The following C6 variants were observed in gnomAD, a reference collection of about 807,000 sequenced individuals.
C6 encodes complement component C6.
A neutral mutation model predicts 112.9 loss-of-function variants in C6; 101 were observed. The observed-to-expected ratio is 0.89, with a 90% CI of 0.76 to 1.06. C6 has a LOEUF of 1.06. C6 is among the 50% of genes least tolerant of loss of function. C6 has a pLI of 0.00. For synonymous variants in C6, 431 were observed against 384.1 expected (o/e 1.12, Z -1.43); for missense variants, 1,202 against 1,104.6 (o/e 1.09, Z -1.25).
At chr5:41,243,319 T>C (rs531867168) in intron 1 of C6, among the ~76,000 whole-genome samples, 48 of 152,248 alleles carry the variant, frequency 3.2e-4, no homozygotes, top group Non-Finnish European at 5.6e-4. Flanking sequence ...ATTGTGTGAT[T>C]TTTATGTTGA....
intron 9 of C6, among the ~76,000 whole-genome samples, chr5:41,169,019 A>G (rs545531605): frequency 9.7e-4 from 148 of 152,268 alleles, no homozygotes; most frequent in African/African-American, 3.3e-3. Context: ...AAGGTGAGAA[A>G]GTCTTGAGAA....
chr5:41,150,510 T>G (rs1022407978), intron 15 of C6, among the ~76,000 whole-genome samples: 1 of 152,110 alleles, frequency 6.6e-6, no homozygotes. Context: ...AAAAAATTGA[T>G]GTAGCTAGAA....
intron 3 of C6, among the ~76,000 whole-genome samples, chr5:41,200,445 T>A (rs990068385): frequency 1.3e-5 from 2 of 152,178 alleles, no homozygotes; most frequent in Non-Finnish European, 2.9e-5. Flanking sequence ...AGTACTGACT[T>A]TGAAGTCAGA....
chr5:41,259,799 C>T (rs1383284510), intron 1 of C6, among the ~76,000 whole-genome samples: 1 of 152,106 alleles, frequency 6.6e-6, no homozygotes, highest in Non-Finnish European at 1.5e-5. Context: ...AATGTCGTAC[C>T]TATTAAGAAT....
chr5:41,226,559 CCTGT>C (rs1739515296), intron 1 of C6, among the ~76,000 whole-genome samples: 1 of 152,160 alleles, frequency 6.6e-6, no homozygotes, highest in South Asian at 2.1e-4. Context: ...ACTTGTTCCT[CCTGT>C]CTAACTGAAA....
At chr5:41,147,358 G>T (rs561898118) in intron 17 of C6, among the ~76,000 whole-genome samples, 1 of 152,244 alleles carries the variant, frequency 6.6e-6, no homozygotes, top group Non-Finnish European at 1.5e-5. Context: ...GAATTGCTTT[G>T]TTTAGACATG....
chr5:41,250,802 G>A (rs1001353979), intron 1 of C6, among the ~76,000 whole-genome samples: 2 of 152,168 alleles, frequency 1.3e-5, no homozygotes, highest in Non-Finnish European at 2.9e-5. Context: ...CTGAGATTGT[G>A]TAGTTGTTTC....
In C6 at chr5:41,186,082, A is replaced by G. The variant is rs1347315702; in HGVS notation, c.714T>C (p.Asn238=). The change falls in exon 6 of 18, where the codon AAT becomes AAC. Residue 238 remains asparagine, a synonymous_variant. Coordinates refer to ENST00000337836, the MANE Select transcript of C6 (RefSeq NM_000065.5). The stretch of plus-strand genomic sequence containing the variant: ...TAGGCTGTCATACCTCAAAGCCGAC[A>G]TTTTCCAGATTGGCCGGAACACGGT... ...NPYRVPANLE[N]VGFEVQTAED... 3 of 1,613,856 alleles carry G rather than the reference A, an allele frequency of 1.9e-6. No homozygotes were observed. Among genetic ancestry groups the G allele is most frequent in the Admixed American group, 1.7e-5 (1 of 59,960 alleles).
chr5:41,171,826 C>T (rs1377624669), intron 9 of C6, among the ~76,000 whole-genome samples: 1 of 151,996 alleles, frequency 6.6e-6, no homozygotes, highest in African/African-American at 2.4e-5. Context: ...TTTCTTCTGC[C>T]CATAGTCCTT....
At chr5:41,234,573 A>C (rs1450595998) in intron 1 of C6, among the ~76,000 whole-genome samples, 1 of 152,064 alleles carries the variant, frequency 6.6e-6, no homozygotes, top group Non-Finnish European at 1.5e-5. Flanking sequence ...ACAAAAGTGG[A>C]AATATCATTG....
chr5:41,177,115 C>A (rs558542192), intron 7 of C6, among the ~76,000 whole-genome samples: 7 of 152,274 alleles, frequency 4.6e-5, no homozygotes. Context: ...AGTTATGCAA[C>A]TGAGATGGAG....
intron 1 of C6, among the ~76,000 whole-genome samples, chr5:41,235,109 G>T (rs1179951645): frequency 6.9e-6 from 1 of 144,092 alleles, no homozygotes; most frequent in Non-Finnish European, 1.5e-5. Context: ...AAGTTTTAGG[G>T]TACATGTGCA....
intron 1 of C6, among the ~76,000 whole-genome samples, chr5:41,207,594 C>G (rs1052819354): frequency 1.3e-5 from 2 of 152,138 alleles, no homozygotes; most frequent in African/African-American, 4.8e-5. Flanking sequence ...TCTGATAAAA[C>G]AGACTTTAAA....
At chr5:41,183,978 G>A (rs554393808) in intron 6 of C6, among the ~76,000 whole-genome samples, 1 of 133,224 alleles carries the variant, frequency 7.5e-6, no homozygotes, top group Non-Finnish European at 1.7e-5. Flanking sequence ...GGGTCTACTA[G>A]GGGGGGAAGG....
intron 5 of C6, among the ~76,000 whole-genome samples, chr5:41,188,183 G>A (rs182464117): frequency 6.6e-6 from 1 of 152,212 alleles, no homozygotes; most frequent in African/African-American, 2.4e-5. Flanking sequence ...CAGAATTTGT[G>A]TTGTTGAGAT....
chr5:41,170,027 TCTTGAAGTTGC>T (rs1470547947), intron 9 of C6, among the ~76,000 whole-genome samples: 3 of 152,306 alleles, frequency 2.0e-5, no homozygotes, highest in Middle Eastern at 3.4e-3. Context: ...CTAGAATTTG[TCTTGAAGTTGC>T]ATATTTGAAC....
intron 1 of C6, among the ~76,000 whole-genome samples, chr5:41,206,681 G>C (rs888893352): frequency 6.6e-6 from 1 of 152,170 alleles, no homozygotes; most frequent in Non-Finnish European, 1.5e-5. Context: ...AGAGAAAAAA[G>C]AGTAAAAAGA....
Position 41,201,388 on chromosome 5 carries a change from C to A in C6, c.300+170G>T, listed in dbSNP as rs551284407. Reference sequence around the variant, plus strand: ...AGACAGTAAAATACATAAAATAAACCCCCTCTTCCCCCCACAAAAGTGCTA... The same window carrying A: ...AGACAGTAAAATACATAAAATAAACACCCTCTTCCCCCCACAAAAGTGCTA... On this transcript the variant is annotated intron_variant, in intron 3 of 17. Transcript: ENST00000337836. Among the ~76,000 whole-genome samples, 15 of 152,054 alleles carry A rather than the reference C, an allele frequency of 9.9e-5. No homozygotes were observed. In the South Asian group the frequency reaches 2.1e-3, roughly 21 times the overall value.
chr5:41,161,620 A>G, intron 10 of C6, 73 bp downstream of exon 10: 3 of 1,183,128 alleles, frequency 2.5e-6, no homozygotes, highest in East Asian at 2.3e-5. Context: ...TGGAAAATAA[A>G]TTGTGTGATG....
Sources: allele counts gnomAD v4.1 joint callset (sites outside exome capture counted in the v4.1 genomes callset), GRCh38; gene constraint gnomAD v4.1.1; transcripts MANE v1.5; gene names NCBI Gene and HGNC (gene_info 2026-07-23, HGNC 2026-07-21).